ZBTB38: variants seen among roughly 807,000 people sequenced by gnomAD.
The protein encoded by ZBTB38 is zinc finger and BTB domain containing 38.
ZBTB38 carries 20 observed loss-of-function variants against 76.8 expected under a neutral mutation model. That is an observed-to-expected ratio of 0.26 (90% confidence interval 0.18 to 0.38). ZBTB38 has a LOEUF of 0.38. Ranked by LOEUF, ZBTB38 falls within the 10% of genes least tolerant of loss-of-function variation. The pLI, the probability that ZBTB38 is intolerant of heterozygous loss-of-function variation, is 1.00. For missense variants in ZBTB38, 1,082 were observed against 1,482.3 expected (o/e 0.73, Z 4.43); for synonymous variants, 504 against 544.2 (o/e 0.93, Z 1.03).
At chr3:141,394,805 AT>A (rs1949950733) in intron 4 of ZBTB38, among the ~76,000 whole-genome samples, 1 of 152,184 alleles carries the variant, frequency 6.6e-6, no homozygotes. Context: ...TCTTATGGGA[AT>A]CTGAACTACA....
At chr3:141,332,633 G>A (rs890572807) in intron 1 of ZBTB38, among the ~76,000 whole-genome samples, 6 of 152,172 alleles carry the variant, frequency 3.9e-5, no homozygotes, top group Admixed American at 6.5e-5. Context: ...AGGATGAAAC[G>A]ATCTGCCGCC....
rs182125313 is a variant in ZBTB38, at chr3:141,443,099, A to C, written c.711A>C (p.Val237=). 8 of 1,614,254 alleles carry C rather than the reference A, an allele frequency of 5.0e-6. No individual in the cohort carries two copies. The South Asian group carries it at 8.8e-5, about 18-fold the overall frequency. ...CTGAAGCTTACAGAAGTCAGCCTGTACGTGAACATGATGGCAGTTCACCTG... is the reference window on the plus strand; with the variant it reads ...CTGAAGCTTACAGAAGTCAGCCTGTCCGTGAACATGATGGCAGTTCACCTG... ...SVAEAYRSQP[V]REHDGSSPGN... The change falls in exon 6 of 6, where the codon GTA becomes GTC. Residue 237 remains valine, a synonymous_variant. Transcript: ENST00000321464. The surrounding 1 kb of genome is among the most constrained non-coding windows in gnomAD (Gnocchi z 5.6).
At chr3:141,377,011 G>A (rs974061909) in intron 2 of ZBTB38, among the ~76,000 whole-genome samples, 3 of 152,170 alleles carry the variant, frequency 2.0e-5, no homozygotes, top group Admixed American at 6.5e-5. Context: ...TATTCACACA[G>A]CCTCTGGCCA....
chr3:141,361,588 A>T (rs2148959879), intron 1 of ZBTB38, among the ~76,000 whole-genome samples: 1 of 152,360 alleles, frequency 6.6e-6, no homozygotes, highest in East Asian at 1.9e-4. Context: ...AAAGTGAAAG[A>T]GTCTTGAAAA....
intron 5 of ZBTB38, among the ~76,000 whole-genome samples, chr3:141,426,362 A>G (rs1333501698): frequency 2.6e-5 from 4 of 152,180 alleles, no homozygotes; most frequent in African/African-American, 9.7e-5. Flanking sequence ...CATAGTTCTG[A>G]GAACAACCGT....
chr3:141,348,868 A>C (rs1943439654), intron 1 of ZBTB38, among the ~76,000 whole-genome samples: 1 of 152,218 alleles, frequency 6.6e-6, no homozygotes, highest in South Asian at 2.1e-4. Flanking sequence ...AAGCAATTTT[A>C]CAGAATTTCT....
At chr3:141,414,557 A>G (rs1177628629) in intron 5 of ZBTB38, among the ~76,000 whole-genome samples, 1 of 152,202 alleles carries the variant, frequency 6.6e-6, no homozygotes, top group East Asian at 1.9e-4. Context: ...GTGTCCAGGG[A>G]CATCTGGAAG....
At chr3:141,417,742 C>T (rs997043352) in intron 5 of ZBTB38, among the ~76,000 whole-genome samples, 12 of 152,114 alleles carry the variant, frequency 7.9e-5, no homozygotes, top group African/African-American at 2.7e-4. Flanking sequence ...CCAGGCTGTG[C>T]GCAGTGGCTC....
At chr3:141,403,427 G>A (rs1431474494) in intron 4 of ZBTB38, among the ~76,000 whole-genome samples, 1 of 152,134 alleles carries the variant, frequency 6.6e-6, no homozygotes, top group Non-Finnish European at 1.5e-5. Flanking sequence ...TCAGTTTAGC[G>A]GGTTGCTACT....
At chr3:141,326,975 G>A (rs1321866686) in intron 1 of ZBTB38, among the ~76,000 whole-genome samples, 1 of 152,156 alleles carries the variant, frequency 6.6e-6, no homozygotes, top group Non-Finnish European at 1.5e-5. Flanking sequence ...TGCCCGAAGG[G>A]AAGTCATTTT....
chr3:141,325,074 TACAA>T (rs1942631868), intron 1 of ZBTB38, among the ~76,000 whole-genome samples: 1 of 152,232 alleles, frequency 6.6e-6, no homozygotes, highest in East Asian at 1.9e-4. Flanking sequence ...TATTTTGGTG[TACAA>T]ACAGATGTCT....
At chr3:141,381,263 A>G (rs578113986) in intron 2 of ZBTB38, among the ~76,000 whole-genome samples, 162 bp from the exon 3 acceptor site, 1 of 152,358 alleles carries the variant, frequency 6.6e-6, no homozygotes, top group Non-Finnish European at 1.5e-5. Context: ...AGTGATTTCC[A>G]TAATGGTGGT....
chr3:141,332,278 C>G (rs79531015), intron 1 of ZBTB38, among the ~76,000 whole-genome samples: 3,745 of 152,302 alleles, frequency 0.025, 101 homozygotes, highest in African/African-American at 0.066. Context: ...AATTCATCAG[C>G]TGGCCATTCC....
At position 141,443,204 on chromosome 3, in the gene ZBTB38, A is replaced by G; in HGVS notation, c.816A>G (p.Pro272=). 6.2e-7 allele frequency: 1 copy of G among 1,614,218 alleles called. No homozygotes were observed. The highest frequency in any genetic ancestry group is 8.5e-7 in the Non-Finnish European group (1 of 1,180,036). Residue 272 remains proline (P), a synonymous_variant, in exon 6 of 6, where the codon CCA becomes CCG. Transcript: ENST00000321464. This position sits in a 1 kb window ranked among gnomAD's most constrained non-coding sequence, Gnocchi z 5.6. ...TCRKPKTFSI[P]QDSDSATENI... ...GGAAGCCAAAGACATTCTCCATACC[A>G]CAGGATTCGGATTCAGCCACAGAAA...
rs778037542 is a variant in ZBTB38 at position 141,445,290 on chromosome 3, G to A, written c.2902G>A (p.Asp968Asn). 1.9e-6 allele frequency: 3 copies of A among 1,614,180 alleles called. No individual in the cohort carries two copies. The East Asian group carries it at 6.7e-5, about 36-fold the overall frequency. Residue 968 changes from aspartate to asparagine, a missense_variant, in exon 6 of 6, where the codon GAT becomes AAT. Asp to Asn is a conservative substitution (Grantham distance 23). Around this residue, in one of 8 missense-constraint regions of ZBTB38, gnomAD observed 471 missense variants for 581.0 expected, o/e 0.81. Transcript: ENST00000321464. This position sits in a 1 kb window ranked among gnomAD's most constrained non-coding sequence, Gnocchi z 6.5. ...LDCAVGKAPQ[D>N]KPFEEEETKE... is the part of the protein sequence containing the mutation. ...TTGCGCCGTGGGGAAGGCTCCTCAG[G>A]ATAAACCCTTTGAGGAAGAAGAAAC...
chr3:141,348,750 C>A (rs1313862552), intron 1 of ZBTB38, among the ~76,000 whole-genome samples: 1 of 152,152 alleles, frequency 6.6e-6, no homozygotes, highest in Non-Finnish European at 1.5e-5. Context: ...TTCAAGATGG[C>A]AGATAAGCAC....
At chr3:141,384,081 T>C (rs1371240367) in intron 3 of ZBTB38, among the ~76,000 whole-genome samples, 8 of 152,270 alleles carry the variant, frequency 5.3e-5, no homozygotes, top group African/African-American at 1.7e-4. Context: ...TCAACTATAG[T>C]TCACATTTGT....
chr3:141,414,182 G>A (rs2073370257), intron 5 of ZBTB38, among the ~76,000 whole-genome samples: 1 of 152,206 alleles, frequency 6.6e-6, no homozygotes, highest in African/African-American at 2.4e-5. Context: ...ATGTGGGCTT[G>A]GTATAAGAAG....
Position 141,413,788 on chromosome 3 carries a change from G to A in ZBTB38, c.-1+9757G>A, listed in dbSNP as rs2073241777. ...ACCCCTTTTTCTTGAAGCTTGAACA[G>A]ACTTTATCATTAATGTGACTGACTG... On this transcript the variant is annotated intron_variant, in intron 5 of 5. Coordinates refer to ENST00000321464, the MANE Select transcript of ZBTB38 (RefSeq NM_001376113.1). The surrounding 1 kb of genome is among the most constrained non-coding windows in gnomAD (Gnocchi z 4.1). Among the ~76,000 whole-genome samples, 1 of 152,162 alleles carries A rather than the reference G, an allele frequency of 6.6e-6. No homozygotes were observed. The highest frequency in any genetic ancestry group is 6.6e-5 in the Admixed American group (1 of 15,264).
Sources: gnomAD v4.1 joint callset for allele counts (sites outside exome capture counted in the v4.1 genomes callset) on GRCh38, gnomAD v4.1.1 for gene constraint, gnomAD v4.1.1 regional missense constraint, Gnocchi (gnomAD v3.1) non-coding constraint, MANE v1.5 for transcripts, NCBI Gene and HGNC (gene_info 2026-07-23, HGNC 2026-07-21) for gene names.